MAGI2: variants seen among roughly 807,000 people sequenced by gnomAD.
MAGI2 encodes the protein membrane associated guanylate kinase, WW and PDZ domain containing 2.
MAGI2 carries 35 observed loss-of-function variants against 133.3 expected under a neutral mutation model. That is an observed-to-expected ratio of 0.26 (90% CI 0.20 to 0.35). The LOEUF (loss-of-function observed/expected upper bound fraction) is 0.35. Among genes scored for constraint, MAGI2 ranks in the 10% least tolerant of loss-of-function variants. The pLI, the probability that MAGI2 is intolerant of heterozygous loss-of-function variation, is 1.00. For synonymous variants in MAGI2, 729 were observed against 710.6 expected, an observed-to-expected ratio of 1.03 and a Z score of -0.41; for missense variants, 1,636 against 1,863.4, an observed-to-expected ratio of 0.88 and a Z score of 2.25.
intron 2 of MAGI2, among the ~76,000 whole-genome samples, chr7:78,798,526 G>T (rs1347770470): frequency 6.6e-6 from 1 of 152,090 alleles, no homozygotes; most frequent in Non-Finnish European, 1.5e-5. Flanking sequence ...TGGGCTACAT[G>T]GTCCTGCTGC....
At chr7:78,581,844 G>T (rs1226434525) in intron 3 of MAGI2, among the ~76,000 whole-genome samples, 2 of 152,140 alleles carry the variant, frequency 1.3e-5, no homozygotes, top group Non-Finnish European at 2.9e-5. Flanking sequence ...GGCAAAGGGA[G>T]TATGAACTAA....
chr7:78,633,507 T>C (rs111778753), intron 2 of MAGI2, among the ~76,000 whole-genome samples: 11 of 151,172 alleles, frequency 7.3e-5, no homozygotes, highest in South Asian at 2.1e-4. Context: ...AGATCAAGAC[T>C]ATCCTGGCTA....
intron 1 of MAGI2, among the ~76,000 whole-genome samples, chr7:79,400,412 T>C (rs186383366): frequency 6.6e-5 from 10 of 152,364 alleles, no homozygotes; most frequent in African/African-American, 2.4e-4. Context: ...GTCATAGTGC[T>C]GACTTTGCAT....
intron 2 of MAGI2, among the ~76,000 whole-genome samples, chr7:78,725,821 A>T (rs1216755288): frequency 6.6e-6 from 1 of 152,094 alleles, no homozygotes; most frequent in Non-Finnish European, 1.5e-5. Flanking sequence ...ACCACAACAA[A>T]CAAACAAACA....
At chr7:78,386,106 GGC>G (rs1795366194) in intron 6 of MAGI2, among the ~76,000 whole-genome samples, 1 of 151,846 alleles carries the variant, frequency 6.6e-6, no homozygotes, top group Non-Finnish European at 1.5e-5. Context: ...AGCATTCCTG[GGC>G]AGAAGGACTA....
At chr7:78,938,720 T>A (rs1477431317) in intron 2 of MAGI2, among the ~76,000 whole-genome samples, 1 of 152,152 alleles carries the variant, frequency 6.6e-6, no homozygotes, top group Non-Finnish European at 1.5e-5. Context: ...GTACAAGCTT[T>A]ATTAGCAATT....
chr7:79,058,460 T>G (rs1287023058), intron 1 of MAGI2, among the ~76,000 whole-genome samples: 6 of 152,178 alleles, frequency 3.9e-5, no homozygotes, highest in Admixed American at 3.9e-4. Context: ...GACATGTACC[T>G]ACTCCACAGT....
At chr7:79,226,438 T>C (rs1054847271) in intron 1 of MAGI2, among the ~76,000 whole-genome samples, 2 of 152,158 alleles carry the variant, frequency 1.3e-5, no homozygotes, top group African/African-American at 4.8e-5. Context: ...CTTCCCTTTT[T>C]ATACTGATCA....
intron 3 of MAGI2, among the ~76,000 whole-genome samples, chr7:78,527,227 C>G (rs1221011880): frequency 6.6e-6 from 1 of 152,218 alleles, no homozygotes; most frequent in African/African-American, 2.4e-5. Flanking sequence ...AAAACCTAAT[C>G]CCTTACCCAT....
chr7:79,213,512 A>T (rs2129552852), intron 1 of MAGI2, among the ~76,000 whole-genome samples: 1 of 152,152 alleles, frequency 6.6e-6, no homozygotes, highest in South Asian at 2.1e-4. Flanking sequence ...ATTGCTGAGG[A>T]TACATTTTGC....
intron 21 of MAGI2, among the ~76,000 whole-genome samples, chr7:78,029,676 G>A (rs1809356139): frequency 6.6e-6 from 1 of 151,726 alleles, no homozygotes; most frequent in South Asian, 2.1e-4. Flanking sequence ...AAACTACTGC[G>A]TGTTGAAAAC....
chr7:78,698,073 A>G (rs1817695175), intron 2 of MAGI2, among the ~76,000 whole-genome samples: 1 of 152,196 alleles, frequency 6.6e-6, no homozygotes, highest in Non-Finnish European at 1.5e-5. Flanking sequence ...CCTTAAGTTT[A>G]CCTTCAGAGA....
At chr7:78,590,836 A>C (rs932585239) in intron 3 of MAGI2, among the ~76,000 whole-genome samples, 1 of 152,212 alleles carries the variant, frequency 6.6e-6, no homozygotes, top group Admixed American at 6.5e-5. Flanking sequence ...CTATTGGAGC[A>C]ATGTAATTTA....
chr7:78,535,117 G>A (rs1797777864), intron 3 of MAGI2, among the ~76,000 whole-genome samples: 1 of 152,120 alleles, frequency 6.6e-6, no homozygotes, highest in South Asian at 2.1e-4. Context: ...GGGTGACAGA[G>A]CGAGACTCCA....
At chr7:79,178,804 C>T (rs1405570433) in intron 1 of MAGI2, among the ~76,000 whole-genome samples, 1 of 151,720 alleles carries the variant, frequency 6.6e-6, no homozygotes, top group African/African-American at 2.4e-5. Context: ...TATCTAAAAG[C>T]ATTAACATCA....
At chr7:78,509,963 G>A (rs1258354090) in intron 4 of MAGI2, among the ~76,000 whole-genome samples, 2 of 152,098 alleles carry the variant, frequency 1.3e-5, no homozygotes, top group African/African-American at 4.8e-5. Context: ...TTTACCCTGT[G>A]ATTTATATTT....
intron 1 of MAGI2, among the ~76,000 whole-genome samples, chr7:79,451,432 G>A (rs1263980960): frequency 6.6e-6 from 1 of 152,088 alleles, no homozygotes; most frequent in South Asian, 2.1e-4. Context: ...TGAACCTTAG[G>A]TATCTTATCT....
chr7:78,267,284 T>C (rs1343793248), intron 9 of MAGI2, among the ~76,000 whole-genome samples: 1 of 152,182 alleles, frequency 6.6e-6, no homozygotes, highest in African/African-American at 2.4e-5. Context: ...ATTAAGTTGC[T>C]GAGCTTCATA....
chr7:78,948,014 A>C (rs1356262875), intron 2 of MAGI2, among the ~76,000 whole-genome samples: 2 of 152,096 alleles, frequency 1.3e-5, no homozygotes, highest in Non-Finnish European at 2.9e-5. Flanking sequence ...GAATAACCAG[A>C]AGTTAAGTTA....
Sources: gnomAD v4.1 joint callset for allele counts (sites outside exome capture counted in the v4.1 genomes callset) on GRCh38, gnomAD v4.1.1 for gene constraint, MANE v1.5 for transcripts, NCBI Gene and HGNC (gene_info 2026-07-23, HGNC 2026-07-21) for gene names.